The following DPP10 variants were observed in gnomAD, a reference collection of about 807,000 sequenced individuals.
DPP10 encodes inactive dipeptidyl peptidase 10.
A neutral mutation model predicts 120.9 loss-of-function variants in DPP10; 33 were observed. The observed-to-expected ratio is 0.27, with a 90% confidence interval of 0.21 to 0.37. The LOEUF (loss-of-function observed/expected upper bound fraction) is 0.37. Ranked by LOEUF, DPP10 falls within the 10% of genes least tolerant of loss-of-function variation. The pLI is 1.00. For missense variants in DPP10, 816 were observed against 942.8 expected, an observed-to-expected ratio of 0.87 and a Z score of 1.76; for synonymous variants, 337 against 326.1, an observed-to-expected ratio of 1.03 and a Z score of -0.36.
At chr2:115,187,023 T>C in intron 1 of DPP10, among the ~76,000 whole-genome samples, 2 of 37,508 alleles carry the variant, frequency 5.3e-5, no homozygotes, top group African/African-American at 2.8e-4. Context: ...AAGATTCTTT[T>C]TTTTTTTTTT....
At chr2:114,563,181 G>C (rs1000260903) in intron 1 of DPP10, among the ~76,000 whole-genome samples, 3 of 152,152 alleles carry the variant, frequency 2.0e-5, no homozygotes, top group African/African-American at 7.2e-5. Context: ...AGACCATCCT[G>C]GCCAACATGG....
intron 5 of DPP10, among the ~76,000 whole-genome samples, chr2:115,664,546 TG>T (rs2089287159): frequency 6.6e-6 from 1 of 151,834 alleles, no homozygotes; most frequent in Non-Finnish European, 1.5e-5. Flanking sequence ...AATAATAAAA[TG>T]GGGGCAAGTA....
At chr2:115,603,770 C>A (rs565973131) in intron 5 of DPP10, among the ~76,000 whole-genome samples, 1 of 152,048 alleles carries the variant, frequency 6.6e-6, no homozygotes, top group Non-Finnish European at 1.5e-5. Flanking sequence ...AGTCCACTGA[C>A]AAGATGTGAG....
At chr2:114,800,745 T>C (rs1273868875) in intron 1 of DPP10, among the ~76,000 whole-genome samples, 3 of 152,174 alleles carry the variant, frequency 2.0e-5, no homozygotes, top group Non-Finnish European at 4.4e-5. Context: ...AAAAAGTAAC[T>C]TTAGGCTCAG....
intron 1 of DPP10, among the ~76,000 whole-genome samples, chr2:114,824,641 A>G (rs1240018730): frequency 2.0e-5 from 3 of 152,080 alleles, no homozygotes; most frequent in African/African-American, 7.2e-5. Flanking sequence ...TTTAATTATT[A>G]GAAATAAATG....
chr2:114,767,120 AGCTTAAAGCT>A, intron 1 of DPP10, among the ~76,000 whole-genome samples: 1 of 145,834 alleles, frequency 6.9e-6, no homozygotes, highest in South Asian at 2.1e-4. Flanking sequence ...AAAAAAAAAA[AGCTTAAAGCT>A]AAAATTAAAA....
At chr2:114,498,941 A>G (rs545178946) in intron 1 of DPP10, among the ~76,000 whole-genome samples, 8 of 152,370 alleles carry the variant, frequency 5.3e-5, no homozygotes, top group African/African-American at 1.9e-4. Flanking sequence ...AATGTGTTAT[A>G]CATATGCAAT....
At chr2:115,177,958 A>G (rs2053817069) in intron 1 of DPP10, among the ~76,000 whole-genome samples, 1 of 151,906 alleles carries the variant, frequency 6.6e-6, no homozygotes, top group African/African-American at 2.4e-5. Context: ...AGAGACGGGG[A>G]TTCACTGTGT....
chr2:115,103,187 T>C (rs1030964405), intron 1 of DPP10, among the ~76,000 whole-genome samples: 163 of 143,654 alleles, frequency 1.1e-3, no homozygotes, highest in African/African-American at 3.9e-3. Flanking sequence ...ATTCTCTCTT[T>C]TTTTTTTTTT....
chr2:115,061,171 A>G (rs1319452022), intron 1 of DPP10, among the ~76,000 whole-genome samples: 4 of 152,242 alleles, frequency 2.6e-5, no homozygotes, highest in Non-Finnish European at 4.4e-5. Context: ...ATTTCATCCC[A>G]TGGAAAATAA....
At chr2:115,343,998 C>G in intron 3 of DPP10, 86 bp downstream of exon 3, 6 of 1,110,432 alleles carry the variant, frequency 5.4e-6, no homozygotes, top group Non-Finnish European at 7.5e-6. Flanking sequence ...AAGCTGGGCG[C>G]AATGGCTTAT....
chr2:115,607,876 C>A (rs1267319127), intron 5 of DPP10, among the ~76,000 whole-genome samples: 1 of 152,058 alleles, frequency 6.6e-6, no homozygotes, highest in African/African-American at 2.4e-5. Flanking sequence ...ATGTAGAAAC[C>A]AGAGAATGAT....
chr2:115,775,455 G>T (rs1681986576), intron 13 of DPP10, among the ~76,000 whole-genome samples: 2 of 151,826 alleles, frequency 1.3e-5, no homozygotes, highest in South Asian at 4.2e-4. Context: ...TAAACTTGAA[G>T]TTTAGGAGAA....
At chr2:115,278,079 C>T (rs1028487402) in intron 1 of DPP10, among the ~76,000 whole-genome samples, 5 of 152,124 alleles carry the variant, frequency 3.3e-5, no homozygotes, top group Non-Finnish European at 4.4e-5. Flanking sequence ...CCAGTCCTGG[C>T]TCAGGCATTT....
chr2:115,234,555 T>G (rs1254451277), intron 1 of DPP10: 1 of 152,440 alleles, frequency 6.6e-6, no homozygotes, highest in Non-Finnish European at 1.5e-5. Context: ...CTCTAGTCTG[T>G]GAGTTACTGG....
intron 1 of DPP10, among the ~76,000 whole-genome samples, chr2:114,743,502 A>C (rs1404791501): frequency 2.6e-5 from 4 of 152,170 alleles, no homozygotes; most frequent in Non-Finnish European, 5.9e-5. Flanking sequence ...GAGAAATCAC[A>C]GATACAATTA....
At chr2:114,993,464 T>C (rs1260181754) in intron 1 of DPP10, among the ~76,000 whole-genome samples, 1 of 151,330 alleles carries the variant, frequency 6.6e-6, no homozygotes, top group Admixed American at 6.6e-5. Flanking sequence ...TTACAAAACC[T>C]TATAGAACCA....
intron 1 of DPP10, among the ~76,000 whole-genome samples, chr2:114,534,412 A>G (rs1361697736): frequency 6.6e-6 from 1 of 152,012 alleles, no homozygotes; most frequent in Non-Finnish European, 1.5e-5. Context: ...AGAATGAACT[A>G]CTCAGAGGTT....
chr2:115,032,882 CAAA>C (rs1380337520), intron 1 of DPP10, among the ~76,000 whole-genome samples: 16 of 83,184 alleles, frequency 1.9e-4, no homozygotes, highest in Admixed American at 6.1e-4. Context: ...AAGACTCCGT[CAAA>C]AAAAAAAAAA....
Sources: allele counts gnomAD v4.1 joint callset (sites outside exome capture counted in the v4.1 genomes callset), GRCh38; gene constraint gnomAD v4.1.1; transcripts MANE v1.5; gene names NCBI Gene and HGNC (gene_info 2026-07-23, HGNC 2026-07-21).